Variants in SULT6B1 observed in about 807,000 individuals in gnomAD.
SULT6B1 encodes the protein sulfotransferase family 6B member 1.
SULT6B1 carries 44 observed loss-of-function variants against 37.2 expected under a neutral mutation model. The ratio of observed to expected loss-of-function variants is 1.18; its 90% CI spans 0.93 to 1.52. The LOEUF (loss-of-function observed/expected upper bound fraction) is 1.52. Among genes scored for constraint, SULT6B1 ranks in the 40% most tolerant of loss-of-function variants. The pLI, the probability that SULT6B1 is intolerant of heterozygous loss-of-function variation, is 0.00. For missense variants in SULT6B1, 450 were observed against 361.0 expected (o/e 1.25, Z -2.00); for synonymous variants, 140 against 126.0 (o/e 1.11, Z -0.74).
At chr2:37,170,665 G>C (rs1676273542) in intron 6 of SULT6B1, among the ~76,000 whole-genome samples, 1 of 148,506 alleles carries the variant, frequency 6.7e-6, no homozygotes, top group Non-Finnish European at 1.5e-5. Context: ...TTGAACCCAG[G>C]AAGCAGAGGT....
chr2:37,186,152 C>T (rs1676668831), intron 2 of SULT6B1, among the ~76,000 whole-genome samples: 2 of 152,302 alleles, frequency 1.3e-5, no homozygotes, highest in South Asian at 4.1e-4. Flanking sequence ...TCTCAGTCAC[C>T]TTCCAGAAGC....
At chr2:37,173,536 C>G (rs1676351332) in intron 5 of SULT6B1, among the ~76,000 whole-genome samples, 1 of 152,166 alleles carries the variant, frequency 6.6e-6, no homozygotes, top group Admixed American at 6.5e-5. Flanking sequence ...ATAAACATCT[C>G]AAATTTAATG....
chr2:37,180,745 G>A (rs988789065), intron 3 of SULT6B1, among the ~76,000 whole-genome samples: 5 of 152,214 alleles, frequency 3.3e-5, no homozygotes, highest in East Asian at 3.9e-4. Flanking sequence ...TTAGCCAGGC[G>A]CAGTGTTGTG....
intron 3 of SULT6B1, among the ~76,000 whole-genome samples, chr2:37,183,204 T>C (rs1676593938): frequency 6.6e-6 from 1 of 152,202 alleles, no homozygotes; most frequent in Non-Finnish European, 1.5e-5. Flanking sequence ...ATAAAATACA[T>C]TTTATTCTAT....
chr2:37,169,726 C>A (rs1676255093), intron 6 of SULT6B1, among the ~76,000 whole-genome samples: 1 of 152,172 alleles, frequency 6.6e-6, no homozygotes, highest in Admixed American at 6.5e-5. Context: ...AACTCCTGAT[C>A]TCATGATCCA....
In SULT6B1 at chr2:37,188,605, G is replaced by T; in HGVS notation, c.36C>A (p.Asp12Glu). The T allele has an allele frequency of 6.8e-7, 1 of 1,466,984 alleles. No individual in the cohort carries two copies. The highest frequency in any genetic ancestry group is 9.5e-7 in the Non-Finnish European group (1 of 1,047,316). The allele number at this position is 1,466,984 out of a possible 1,614,324, so 90.9% of individuals were successfully genotyped here. A position where few individuals can be genotyped will look rare whatever the true frequency, so the allele number is the denominator to read the frequency against. Residue 12 changes from aspartate (D) to glutamate (E), a missense_variant, in exon 1 of 7, where the codon GAC becomes GAA. By Grantham distance (45) the Asp-to-Glu change is conservative. Coordinates refer to ENST00000535679, the MANE Select transcript of SULT6B1 (RefSeq NM_001367551.1). Reference sequence around the variant, plus strand: ...TTTCTTTTGATTTTTCTAAAGCTTCGTCAATGTATTCAATAAATTTGGATT... The same window carrying T: ...TTTCTTTTGATTTTTCTAAAGCTTCTTCAATGTATTCAATAAATTTGGATT... Reference protein sequence around the residue: ...ADKSKFIEYIDEALEKSKETA... With the variant: ...ADKSKFIEYIEEALEKSKETA...
upstream of SULT6B1, among the ~76,000 whole-genome samples, chr2:37,191,797 G>A (rs529916241): frequency 1.3e-5 from 2 of 152,318 alleles, no homozygotes; most frequent in South Asian, 2.1e-4. Flanking sequence ...CCCCACATGA[G>A]GGAAGGAGTG....
At chr2:37,169,803 A>G (rs1179083095) in intron 6 of SULT6B1, among the ~76,000 whole-genome samples, 2 of 152,004 alleles carry the variant, frequency 1.3e-5, no homozygotes, top group Non-Finnish European at 2.9e-5. Flanking sequence ...TTAGAACTTC[A>G]GTGTTTTTTA....
chr2:37,178,766 AG>A (rs2148291152), intron 4 of SULT6B1, among the ~76,000 whole-genome samples: 1 of 152,320 alleles, frequency 6.6e-6, no homozygotes, highest in African/African-American at 2.4e-5. Flanking sequence ...CAAATGTCTT[AG>A]GTATAGTAGC....
At chr2:37,173,083 C>T (rs1289321894) in intron 5 of SULT6B1, among the ~76,000 whole-genome samples, 3 of 151,680 alleles carry the variant, frequency 2.0e-5, no homozygotes, top group African/African-American at 4.8e-5. Flanking sequence ...GAACTCCCGA[C>T]CTCAGGTGAT....
At chr2:37,184,611 G>A (rs569246298) in intron 2 of SULT6B1, among the ~76,000 whole-genome samples, 1 of 152,246 alleles carries the variant, frequency 6.6e-6, no homozygotes, top group African/African-American at 2.4e-5. Context: ...CAATTGTTCT[G>A]TAAAAACTTA....
At chr2:37,171,411 C>T in intron 6 of SULT6B1, 23 bp downstream of exon 6, 1 of 1,606,216 alleles carries the variant, frequency 6.2e-7, no homozygotes, top group Non-Finnish European at 8.5e-7. Flanking sequence ...TGATAACAAT[C>T]CCAGAAACCA....
chr2:37,186,485 T>C (rs1416435146), intron 2 of SULT6B1, among the ~76,000 whole-genome samples: 2 of 152,174 alleles, frequency 1.3e-5, no homozygotes, highest in Non-Finnish European at 2.9e-5. Flanking sequence ...TAACAACAGC[T>C]AGGGTGACCT....
chr2:37,176,234 G>T (rs1676424314), intron 4 of SULT6B1, among the ~76,000 whole-genome samples: 1 of 149,078 alleles, frequency 6.7e-6, no homozygotes, highest in South Asian at 2.1e-4. Flanking sequence ...TAAAAACAGT[G>T]CCTGCTTCAT....
chr2:37,176,840 A>T (rs987675376), intron 4 of SULT6B1, among the ~76,000 whole-genome samples: 1 of 152,172 alleles, frequency 6.6e-6, no homozygotes, highest in Non-Finnish European at 1.5e-5. Flanking sequence ...AGACACAAAC[A>T]AGAGTCTGCT....
intron 5 of SULT6B1, 75 bp from the exon 6 acceptor site, chr2:37,171,665 C>T: frequency 1.4e-6 from 2 of 1,453,394 alleles, no homozygotes; most frequent in South Asian, 1.3e-5. Flanking sequence ...ACTTTTTAGT[C>T]ATCAGAGTTA....
chr2:37,192,937 G>A (rs1212830361), upstream of SULT6B1, among the ~76,000 whole-genome samples: 1 of 152,170 alleles, frequency 6.6e-6, no homozygotes, highest in Non-Finnish European at 1.5e-5. Context: ...GCATAATGGA[G>A]GGAGGATACC....
At chr2:37,192,795 G>A (rs1170000531), upstream of SULT6B1, among the ~76,000 whole-genome samples, 1 of 152,188 alleles carries the variant, frequency 6.6e-6, no homozygotes, top group Non-Finnish European at 1.5e-5. Context: ...TGACACTAAT[G>A]CCTGTAATTA....
chr2:37,171,145 C>A (rs1012697167), intron 6 of SULT6B1, among the ~76,000 whole-genome samples: 1 of 152,154 alleles, frequency 6.6e-6, no homozygotes, highest in Admixed American at 6.5e-5. Flanking sequence ...GAGGCTGAGG[C>A]AGGAGAATCG....
Sources: allele counts gnomAD v4.1 joint callset (sites outside exome capture counted in the v4.1 genomes callset), GRCh38; gene constraint gnomAD v4.1.1; transcripts MANE v1.5; gene names NCBI Gene and HGNC (gene_info 2026-07-23, HGNC 2026-07-21).